The following MAP3K2 variants were observed in gnomAD, a reference collection of about 807,000 sequenced individuals.
MAP3K2 encodes MAP/ERK kinase kinase 2.
Under a neutral mutation model 80.3 loss-of-function variants are expected in MAP3K2, and 24 were observed. That is an observed-to-expected ratio of 0.30 (90% CI 0.22 to 0.42). The LOEUF is 0.42. MAP3K2 is among the 10% of genes least tolerant of loss of function. The pLI is 1.00. For synonymous variants in MAP3K2, 244 were observed against 253.7 expected (o/e 0.96, Z 0.36); for missense variants, 608 against 750.1 (o/e 0.81, Z 2.21).
Position 127,307,914 on chromosome 2 carries a change from T to C in MAP3K2, c.1635-110A>G. ...AGTCCATATATATTTAAATATGACT[T>C]AATTTCAAGTTCAAAGTTTCATTAA... On this transcript the variant is annotated intron_variant, in intron 16 of 16. Transcript: ENST00000682094. The surrounding 1 kb of genome is among the most constrained non-coding windows in gnomAD (Gnocchi z 5.4). The C allele has an allele frequency of 1.6e-6, 1 of 637,174 alleles. No homozygotes were observed. Among genetic ancestry groups the C allele is most frequent in the Non-Finnish European group, 2.6e-6 (1 of 391,568 alleles). 39.5% of individuals were successfully genotyped at this position (637,174 alleles called of 1,614,324 possible). A position where few individuals can be genotyped will look rare whatever the true frequency, so the allele number is the denominator to read the frequency against.
At chr2:127,320,619 G>A (rs1008665623) in intron 12 of MAP3K2, among the ~76,000 whole-genome samples, 6 of 152,124 alleles carry the variant, frequency 3.9e-5, no homozygotes, top group African/African-American at 1.4e-4. Flanking sequence ...ATAATAAACT[G>A]AAAGAACACC....
In MAP3K2 at chr2:127,302,216, T is replaced by C. The variant is rs1685606400; in HGVS notation, c.*5363A>G. 1 of 152,192 alleles carries C rather than the reference T, an allele frequency of 6.6e-6. No homozygotes were observed. Among genetic ancestry groups the C allele is most frequent in the African/African-American group, 2.4e-5 (1 of 41,452 alleles). The allele number at this position is 152,192 out of a possible 1,614,324, so 9.4% of individuals were successfully genotyped here. ...TACACAAATTGAATTTTAATCTACC[T>C]TTAGCAACCAAGAGTATGGCAATTT... On this transcript the variant is annotated 3_prime_UTR_variant, in exon 17 of 17. Transcript: ENST00000682094.
intron 1 of MAP3K2, among the ~76,000 whole-genome samples, chr2:127,382,207 A>C (rs188772997): frequency 2.0e-5 from 3 of 152,362 alleles, no homozygotes; most frequent in African/African-American, 7.2e-5. Flanking sequence ...GCACCTAAGA[A>C]AAGTAACAAT....
Position 127,300,016 on chromosome 2 carries a change from A to T in MAP3K2, c.*7563T>A, listed in dbSNP as rs928833730. 6.6e-6 allele frequency: 1 copy of T among 152,096 alleles called. No homozygotes were observed. The highest frequency in any genetic ancestry group is 2.4e-5 in the African/African-American group (1 of 41,438). 9.4% of individuals were successfully genotyped at this position (152,096 alleles called of 1,614,324 possible). ...AAGCATACTTTCAACTTAGTAATGGATTTTATAATACATTATAAAATTTTC... is the reference window on the plus strand; with the variant it reads ...AAGCATACTTTCAACTTAGTAATGGTTTTTATAATACATTATAAAATTTTC... On this transcript the variant is annotated 3_prime_UTR_variant, in exon 17 of 17. Transcript: ENST00000682094.
chr2:127,334,322 C>T (rs1686322334), intron 5 of MAP3K2, among the ~76,000 whole-genome samples: 1 of 152,050 alleles, frequency 6.6e-6, no homozygotes, highest in Non-Finnish European at 1.5e-5. Flanking sequence ...CTTAATGTAT[C>T]TTGGCATTTG....
intron 1 of MAP3K2, among the ~76,000 whole-genome samples, chr2:127,367,941 T>C (rs183560427): frequency 6.6e-6 from 1 of 152,356 alleles, no homozygotes; most frequent in Admixed American, 6.5e-5. Context: ...AGCATCCAAC[T>C]ACAGTCATCC....
At chr2:127,371,160 G>A (rs535614775) in intron 1 of MAP3K2, among the ~76,000 whole-genome samples, 14 of 152,170 alleles carry the variant, frequency 9.2e-5, no homozygotes, top group Non-Finnish European at 2.1e-4. Context: ...GACAACTTCC[G>A]TATGACCCCA....
At chr2:127,326,576 T>G in intron 8 of MAP3K2, 111 bp downstream of exon 8, 1 of 685,024 alleles carries the variant, frequency 1.5e-6, no homozygotes, top group South Asian at 3.9e-5. Context: ...GTTAAGAAGA[T>G]ATGTAATTAG....
In MAP3K2 at chr2:127,326,725, T is replaced by C. The variant is rs1428489257; in HGVS notation, c.559A>G (p.Asn187Asp). The change falls in exon 8 of 17, where the codon AAC becomes GAC. Residue 187 changes from asparagine (N) to aspartate (D), a missense_variant. Asn to Asp is a conservative substitution (Grantham distance 23, BLOSUM62 1). This residue lies in a region of MAP3K2 where 467 missense variants were observed against 521.9 expected (regional missense o/e 0.89). Transcript: ENST00000682094. ...VARNGSFTSI[N>D]SEGEFIPESM... is the part of the protein sequence containing the mutation. Reference sequence around the variant, plus strand: ...TCTGGAATGAACTCTCCTTCACTGTTGATACTAGTGAATGACCCATTCCGG... The same window carrying C: ...TCTGGAATGAACTCTCCTTCACTGTCGATACTAGTGAATGACCCATTCCGG... The C allele has an allele frequency of 6.2e-7, 1 of 1,607,092 alleles. No individual in the cohort carries two copies. Among genetic ancestry groups the C allele is most frequent in the Admixed American group, 1.7e-5 (1 of 58,430 alleles).
intron 5 of MAP3K2, among the ~76,000 whole-genome samples, chr2:127,331,490 C>A (rs1686254647): frequency 6.6e-6 from 1 of 152,224 alleles, no homozygotes; most frequent in South Asian, 2.1e-4. Context: ...AAAGAGCAGA[C>A]AACCTGGTAA....
intron 6 of MAP3K2, among the ~76,000 whole-genome samples, 179 bp downstream of exon 6, chr2:127,330,207 TTATAAC>T (rs759638572): frequency 1.6e-4 from 25 of 152,222 alleles, no homozygotes; most frequent in African/African-American, 3.6e-4. Context: ...TTATACTTAT[TTATAAC>T]TATGACTGTG....
Position 127,303,516 on chromosome 2 carries a change from C to T in MAP3K2, c.*4063G>A, listed in dbSNP as rs905776645. ...TAATCCCTGTTGTCAGTGACATTTC[C>T]GTTTATAACAGCCAATGATTACCTA... On this transcript the variant is annotated 3_prime_UTR_variant, in exon 17 of 17. Coordinates refer to ENST00000682094, the MANE Select transcript of MAP3K2 (RefSeq NM_001371910.2). The T allele has an allele frequency of 5.3e-5, 8 of 151,974 alleles. No individual in the cohort carries two copies. The highest frequency in any genetic ancestry group is 1.7e-4 in the African/African-American group (7 of 41,372). The allele number at this position is 151,974 out of a possible 1,614,324, so 9.4% of individuals were successfully genotyped here.
intron 8 of MAP3K2, 38 bp from the exon 9 acceptor site, chr2:127,325,845 T>C (rs990317385): frequency 2.1e-6 from 3 of 1,446,800 alleles, no homozygotes; most frequent in Non-Finnish European, 1.9e-6. Flanking sequence ...TTCAATTTGA[T>C]ATAACCAAAA....
At chr2:127,335,836 T>C (rs1686356545) in intron 5 of MAP3K2, 34 bp downstream of exon 5, 1 of 1,190,654 alleles carries the variant, frequency 8.4e-7, no homozygotes, top group African/African-American at 1.5e-5. Flanking sequence ...CTTTTGAAGG[T>C]AAGATCTACT....
chr2:127,319,543 AC>A, intron 12 of MAP3K2, among the ~76,000 whole-genome samples: 1 of 148,348 alleles, frequency 6.7e-6, no homozygotes, highest in Non-Finnish European at 1.5e-5. Flanking sequence ...GCAGTGGCTC[AC>A]CTGTAATCCC....
chr2:127,308,503 A>T, intron 16 of MAP3K2, 82 bp downstream of exon 16: 4 of 1,243,084 alleles, frequency 3.2e-6, no homozygotes, highest in Non-Finnish European at 4.4e-6. Context: ...AAGATTATTT[A>T]CATCTGCCTC....
intron 1 of MAP3K2, among the ~76,000 whole-genome samples, chr2:127,354,914 A>T (rs1368073617): frequency 6.6e-6 from 1 of 152,134 alleles, no homozygotes; most frequent in African/African-American, 2.4e-5. Flanking sequence ...CAGATAAAAA[A>T]TACAATGCCT....
intron 1 of MAP3K2, among the ~76,000 whole-genome samples, chr2:127,350,051 G>A (rs954087085): frequency 3.3e-5 from 5 of 151,996 alleles, no homozygotes; most frequent in South Asian, 4.1e-4. Context: ...GTTTTGCCAC[G>A]CTGCCCTGAT....
chr2:127,327,898 G>A (rs1686175927), intron 7 of MAP3K2, among the ~76,000 whole-genome samples: 1 of 152,128 alleles, frequency 6.6e-6, no homozygotes, highest in Admixed American at 6.5e-5. Flanking sequence ...ATAAGACTGA[G>A]GTATTCAGTG....
Sources: allele counts gnomAD v4.1 joint callset (sites outside exome capture counted in the v4.1 genomes callset), GRCh38; gene constraint gnomAD v4.1.1; regional missense constraint gnomAD v4.1.1; non-coding constraint Gnocchi (gnomAD v3.1); transcripts MANE v1.5; gene names NCBI Gene and HGNC (gene_info 2026-07-23, HGNC 2026-07-21).